Variants in DENND2A observed in about 807,000 individuals in gnomAD.
DENND2A encodes DENN domain-containing protein 2A.
Under a neutral mutation model 105.3 loss-of-function variants are expected in DENND2A, and 53 were observed. The observed-to-expected ratio is 0.50, with a 90% CI of 0.40 to 0.63. The LOEUF is 0.63. Among genes scored for constraint, DENND2A ranks in the 30% least tolerant of loss-of-function variants. The pLI, the probability that DENND2A is intolerant of heterozygous loss-of-function variation, is 0.00. For synonymous variants in DENND2A, 522 were observed against 508.4 expected (o/e 1.03, Z -0.36); for missense variants, 1,138 against 1,279.6 (o/e 0.89, Z 1.69).
At position 140,527,498 on chromosome 7, in the gene DENND2A, G is replaced by C; in HGVS notation, c.2328-3C>G. On this transcript the variant is annotated splice_polypyrimidine_tract_variant and splice_region_variant and intron_variant, in intron 14 of 19. Coordinates refer to ENST00000496613, the MANE Select transcript of DENND2A (RefSeq NM_015689.5). The surrounding 1 kb of genome is among the most constrained non-coding windows in gnomAD (Gnocchi z 4.9). ...CGTGGCAGCACTTGGACAGGATGCT[G>C]CAGCCGGGGAGAGAACAGGGAGAGA... 1.9e-6 allele frequency: 3 copies of C among 1,593,644 alleles called. No individual in the cohort carries two copies. The highest frequency in any genetic ancestry group is 2.6e-6 in the Non-Finnish European group (3 of 1,167,702).
intron 3 of DENND2A, among the ~76,000 whole-genome samples, chr7:140,598,473 G>A (rs987134163): frequency 6.6e-6 from 1 of 152,106 alleles, no homozygotes; most frequent in African/African-American, 2.4e-5. Flanking sequence ...AGTGCAATTT[G>A]GTAAGAGAAT....
chr7:140,525,845 G>C, intron 15 of DENND2A, 53 bp from the exon 16 acceptor site: 1 of 1,493,978 alleles, frequency 6.7e-7, no homozygotes, highest in Non-Finnish European at 9.1e-7. Context: ...TCTGGGATAG[G>C]GATGGACTCA....
At chr7:140,592,440 T>C (rs1799096459) in intron 3 of DENND2A, among the ~76,000 whole-genome samples, 1 of 151,950 alleles carries the variant, frequency 6.6e-6, no homozygotes, top group African/African-American at 2.4e-5. Context: ...TTTGATCTCC[T>C]GACGTTGTGA....
chr7:140,617,761 A>ACCT (rs1195415085), intron 1 of DENND2A, among the ~76,000 whole-genome samples: 2 of 152,110 alleles, frequency 1.3e-5, no homozygotes, highest in Non-Finnish European at 2.9e-5. Flanking sequence ...CCTGACCAAC[A>ACCT]CCTGTCAGCT....
chr7:140,588,758 T>C (rs929526147), intron 3 of DENND2A, among the ~76,000 whole-genome samples: 22 of 143,568 alleles, frequency 1.5e-4, no homozygotes, highest in African/African-American at 4.3e-4. Context: ...TATCCACTTT[T>C]TTTGGCACTT....
intron 1 of DENND2A, among the ~76,000 whole-genome samples, chr7:140,626,659 TC>T (rs1291868389): frequency 6.6e-6 from 1 of 152,122 alleles, no homozygotes; most frequent in Non-Finnish European, 1.5e-5. Flanking sequence ...CTTCCTTTCC[TC>T]CCCTCAGACT....
At chr7:140,552,484 C>A (rs761951277) in intron 12 of DENND2A, among the ~76,000 whole-genome samples, 10 of 151,982 alleles carry the variant, frequency 6.6e-5, no homozygotes, top group Non-Finnish European at 5.9e-5. Flanking sequence ...GCCTCAGCCT[C>A]CTAGGCTCAA....
rs537576854 is a variant in DENND2A at position 140,607,322 on chromosome 7, G to T, written c.-247-1516C>A. ...AAGGGAGGAAGTCCAGAGAGAAAGAGAAAAAGAAAAGGAGAGTGCACATGG... is the reference window on the plus strand; with the variant it reads ...AAGGGAGGAAGTCCAGAGAGAAAGATAAAAAGAAAAGGAGAGTGCACATGG... On this transcript the variant is annotated intron_variant, in intron 1 of 19. Coordinates refer to ENST00000496613, the MANE Select transcript of DENND2A (RefSeq NM_015689.5). 2.6e-5 allele frequency among the ~76,000 whole-genome samples: 4 copies of T among 152,298 alleles called. No homozygotes were observed. The South Asian group carries it at 8.3e-4, about 32-fold the overall frequency.
intron 1 of DENND2A, among the ~76,000 whole-genome samples, chr7:140,608,645 C>T (rs1210789387): frequency 1.3e-5 from 2 of 150,784 alleles, no homozygotes; most frequent in African/African-American, 4.9e-5. Flanking sequence ...CACTGCACTC[C>T]AGCCCAGGTG....
chr7:140,536,357 GA>G (rs781061820), intron 14 of DENND2A, among the ~76,000 whole-genome samples: 276 of 140,078 alleles, frequency 2.0e-3, no homozygotes, highest in East Asian at 2.5e-3. Flanking sequence ...TCCATCTCAG[GA>G]AAAAAAAAAA....
At position 140,631,946 on chromosome 7, in the gene DENND2A, G is replaced by A. The variant is rs531765346; in HGVS notation, c.-248+8558C>T. ...GAGAGACTAGTCTCACTCCAAGCTC[G>A]GGAGATGCAAGTTCTATGTCTTAGG... On this transcript the variant is annotated intron_variant, in intron 1 of 19. Transcript: ENST00000496613. Among the ~76,000 whole-genome samples, 17 of 152,100 alleles carry A rather than the reference G, an allele frequency of 1.1e-4. No homozygotes were observed. The South Asian group carries it at 1.5e-3, about 13-fold the overall frequency.
At chr7:140,551,318 A>G (rs990980652) in intron 12 of DENND2A, among the ~76,000 whole-genome samples, 6 of 151,384 alleles carry the variant, frequency 4.0e-5, no homozygotes, top group Middle Eastern at 3.2e-3. Context: ...AAAAAAAAAA[A>G]AAAAGAAAGG....
chr7:140,522,206 T>C (rs556760186), intron 17 of DENND2A, 106 bp from the exon 18 acceptor site: 7 of 1,424,404 alleles, frequency 4.9e-6, no homozygotes, highest in African/African-American at 1.4e-5. Flanking sequence ...GCTAGTTCCC[T>C]TGATGGAAAC....
chr7:140,594,317 C>A (rs1273875963), intron 3 of DENND2A, among the ~76,000 whole-genome samples: 1 of 152,186 alleles, frequency 6.6e-6, no homozygotes, highest in Non-Finnish European at 1.5e-5. Context: ...GTCCAGAAGA[C>A]CTTCAGGCCT....
chr7:140,567,284 G>T lies in DENND2A; in HGVS notation c.1592-11C>A. The stretch of plus-strand genomic sequence containing the variant: ...GGCGCTGGCTGTGAGCTGGGTGAGG[G>T]AGGGAGAGAGAAAGAGAGAAAGAGA... On this transcript the variant is annotated splice_polypyrimidine_tract_variant and intron_variant, in intron 8 of 19. Coordinates refer to ENST00000496613, the MANE Select transcript of DENND2A (RefSeq NM_015689.5). The T allele has an allele frequency of 6.3e-7, 1 of 1,588,972 alleles. No individual in the cohort carries two copies. Among genetic ancestry groups the T allele is most frequent in the Non-Finnish European group, 8.6e-7 (1 of 1,169,330 alleles).
At chr7:140,557,868 C>T (rs944307618) in intron 11 of DENND2A, among the ~76,000 whole-genome samples, 2 of 152,000 alleles carry the variant, frequency 1.3e-5, no homozygotes, top group Non-Finnish European at 2.9e-5. Context: ...GACAGGGCCT[C>T]ATTTTGTTGC....
chr7:140,529,610 C>T (rs866148598), intron 14 of DENND2A, among the ~76,000 whole-genome samples: 2 of 152,096 alleles, frequency 1.3e-5, no homozygotes, highest in African/African-American at 4.8e-5. Flanking sequence ...GAATACTATG[C>T]AGCCATAAAA....
At chr7:140,609,172 C>A (rs1799796503) in intron 1 of DENND2A, among the ~76,000 whole-genome samples, 1 of 152,166 alleles carries the variant, frequency 6.6e-6, no homozygotes, top group South Asian at 2.1e-4. Context: ...CAACTGCTTT[C>A]CATAAAAATA....
Position 140,602,211 on chromosome 7 carries a change from CA to C in DENND2A, c.186del (p.Ala63HisfsTer26). The C allele has an allele frequency of 3.7e-6, 6 of 1,614,112 alleles. No homozygotes were observed. The highest frequency in any genetic ancestry group is 5.1e-6 in the Non-Finnish European group (6 of 1,180,012). ...EWEGKKEVPT[P>X]APSRRADGQE... Reference sequence around the variant, plus strand: ...TGTCCGTCTGCTCTCCTGCTGGGTGCAGGAGTGGGCACCTCTTTCTTCCCTT... The same window carrying C: ...TGTCCGTCTGCTCTCCTGCTGGGTGCGGAGTGGGCACCTCTTTCTTCCCTT... On this transcript the variant is annotated frameshift_variant, in exon 3 of 20. Transcript: ENST00000496613. LOFTEE classifies it high-confidence loss of function.
Sources: gnomAD v4.1 joint callset for allele counts (sites outside exome capture counted in the v4.1 genomes callset) on GRCh38, gnomAD v4.1.1 for gene constraint, Gnocchi (gnomAD v3.1) non-coding constraint, MANE v1.5 for transcripts, NCBI Gene and HGNC (gene_info 2026-07-23, HGNC 2026-07-21) for gene names.